Variants in RALGAPA2 observed in about 807,000 individuals in gnomAD.
RALGAPA2 encodes the protein ral GTPase-activating protein subunit alpha-2.
RALGAPA2 carries 139 observed loss-of-function variants against 230.4 expected under a neutral mutation model. The ratio of observed to expected loss-of-function variants is 0.60; its 90% CI spans 0.53 to 0.69. The LOEUF (loss-of-function observed/expected upper bound fraction) is 0.69. Among genes scored for constraint, RALGAPA2 ranks in the 30% least tolerant of loss-of-function variants. RALGAPA2 has a pLI of 0.00. For missense variants in RALGAPA2, 2,163 were observed against 2,276.0 expected (o/e 0.95, Z 1.01); for synonymous variants, 847 against 837.8 (o/e 1.01, Z -0.19).
intron 35 of RALGAPA2, among the ~76,000 whole-genome samples, chr20:20,496,693 T>C (rs1350138926): frequency 1.3e-5 from 2 of 152,240 alleles, no homozygotes; most frequent in African/African-American, 4.8e-5. Flanking sequence ...ATACTATGTA[T>C]TTAAAACGTG....
intron 37 of RALGAPA2, among the ~76,000 whole-genome samples, chr20:20,418,600 A>T (rs552431533): frequency 3.3e-5 from 5 of 152,376 alleles, no homozygotes; most frequent in African/African-American, 1.2e-4. Flanking sequence ...AAATGCAGTC[A>T]CACAATGGGA....
chr20:20,465,149 TCACA>T lies in RALGAPA2; in HGVS notation c.5495+7676_5495+7679del, dbSNP rs74180992. On this transcript the variant is annotated intron_variant, in intron 37 of 39. Coordinates refer to ENST00000202677, the MANE Select transcript of RALGAPA2 (RefSeq NM_020343.4). Reference sequence around the variant, plus strand: ...GCTTCTTCCCTCCCCCCGCAGGCCTTCACACACACACACACACACACACACACAC... The same window carrying T: ...GCTTCTTCCCTCCCCCCGCAGGCCTTCACACACACACACACACACACACAC... Among the ~76,000 whole-genome samples, 390 of 109,224 alleles carry T rather than the reference TCACA, an allele frequency of 3.6e-3. 2 individuals carry two copies. The highest frequency in any genetic ancestry group is 0.011 in the Middle Eastern group (2 of 188). 71.7% of individuals were successfully genotyped at this position (109,224 alleles called of 152,430 possible).
Position 20,591,232 on chromosome 20 carries a change from A to C in RALGAPA2, c.2286T>G (p.Leu762=), listed in dbSNP as rs777537465. ...HLTVGQQQQV[L]RSSSTSDIPE... ...GGATGTCGGAGGTGCTGCTGCTCCG[A>C]AGGACCTGCTGCTGCTGTCCCACTG... The change falls in exon 17 of 40, where the codon CTT becomes CTG. Residue 762 remains leucine, a synonymous_variant. Coordinates refer to ENST00000202677, the MANE Select transcript of RALGAPA2 (RefSeq NM_020343.4). 3 of 1,613,940 alleles carry C rather than the reference A, an allele frequency of 1.9e-6. No individual in the cohort carries two copies. The South Asian group carries it at 3.3e-5, about 18-fold the overall frequency.
chr20:20,620,722 T>C (rs2066293365), intron 10 of RALGAPA2, 92 bp from the exon 11 acceptor site: 15 of 1,127,170 alleles, frequency 1.3e-5, no homozygotes, highest in Admixed American at 2.8e-5. Flanking sequence ...GCATCACCCA[T>C]TTCACTTTCC....
chr20:20,642,739 A>T (rs1438839092), intron 5 of RALGAPA2, among the ~76,000 whole-genome samples: 1 of 152,114 alleles, frequency 6.6e-6, no homozygotes, highest in Non-Finnish European at 1.5e-5. Context: ...GCTAGGAATA[A>T]CTCACTTCGT....
intron 37 of RALGAPA2, among the ~76,000 whole-genome samples, chr20:20,457,064 T>A (rs1015647590): frequency 9.9e-5 from 15 of 152,198 alleles, no homozygotes; most frequent in African/African-American, 3.6e-4. Flanking sequence ...TCTTTTTATC[T>A]CCAATGATGA....
intron 10 of RALGAPA2, among the ~76,000 whole-genome samples, chr20:20,628,040 C>T (rs375423657): frequency 1.3e-5 from 2 of 152,040 alleles, no homozygotes; most frequent in Admixed American, 1.3e-4. Flanking sequence ...AAGGCAGTGC[C>T]GGGCCACAGA....
At chr20:20,402,431 G>A (rs764088833) in intron 38 of RALGAPA2, among the ~76,000 whole-genome samples, 14 of 152,222 alleles carry the variant, frequency 9.2e-5, no homozygotes, top group Non-Finnish European at 1.3e-4. Flanking sequence ...CCATCTGCGC[G>A]ATTCTTCACG....
chr20:20,601,615 CTT>C, intron 16 of RALGAPA2, 65 bp downstream of exon 16: 1 of 1,516,070 alleles, frequency 6.6e-7, no homozygotes. Flanking sequence ...TTTTAACACA[CTT>C]TATGCCTATA....
At chr20:20,664,496 A>T (rs974445905) in intron 3 of RALGAPA2, among the ~76,000 whole-genome samples, 1 of 152,186 alleles carries the variant, frequency 6.6e-6, no homozygotes, top group Non-Finnish European at 1.5e-5. Context: ...CCCCGAATAA[A>T]GCATTCACTA....
intron 36 of RALGAPA2, among the ~76,000 whole-genome samples, chr20:20,481,666 C>A (rs571358561): frequency 2.0e-5 from 3 of 152,156 alleles, no homozygotes; most frequent in African/African-American, 7.2e-5. Flanking sequence ...AATGTGAACA[C>A]AGGATGTGTA....
At chr20:20,535,494 T>C (rs1042351487) in intron 26 of RALGAPA2, among the ~76,000 whole-genome samples, 1 of 152,240 alleles carries the variant, frequency 6.6e-6, no homozygotes, top group Non-Finnish European at 1.5e-5. Flanking sequence ...CATGATTATA[T>C]TTGTAATCTT....
chr20:20,697,118 C>T (rs1022916736), intron 1 of RALGAPA2, among the ~76,000 whole-genome samples: 1 of 152,148 alleles, frequency 6.6e-6, no homozygotes, highest in African/African-American at 2.4e-5. Flanking sequence ...GACACTCAGT[C>T]ACTATATGTG....
At chr20:20,701,493 C>T (rs1157007026) in intron 1 of RALGAPA2, among the ~76,000 whole-genome samples, 2 of 152,140 alleles carry the variant, frequency 1.3e-5, no homozygotes, top group African/African-American at 4.8e-5. Flanking sequence ...AATCCCAGCA[C>T]TTTGGGAGGC....
At position 20,621,504 on chromosome 20, in the gene RALGAPA2, CCCTT is replaced by C. The variant is rs939704560; in HGVS notation, c.1234-878_1234-875del. Among the ~76,000 whole-genome samples, 17 of 147,976 alleles carry C rather than the reference CCCTT, an allele frequency of 1.1e-4. No homozygotes were observed. In the East Asian group the frequency reaches 2.4e-3, roughly 21 times the overall value. ...TCTTTGCTTTTGTCCTTCTTCCTTT[CCCTT>C]CCTTCCTTCCTTTTTTGTTATTATT... On this transcript the variant is annotated intron_variant, in intron 10 of 39. Coordinates refer to ENST00000202677, the MANE Select transcript of RALGAPA2 (RefSeq NM_020343.4).
Position 20,602,978 on chromosome 20 carries a change from G to A in RALGAPA2, c.2039-1132C>T, listed in dbSNP as rs542393492. ...GTAAGTTCTCTTCTGGGCTGAGAAC[G>A]ACTGTCTTAGGGAGGCAAGTTCCTA... On this transcript the variant is annotated intron_variant, in intron 15 of 39. Transcript: ENST00000202677. Among the ~76,000 whole-genome samples, 6 of 152,238 alleles carry A rather than the reference G, an allele frequency of 3.9e-5. No homozygotes were observed. In the East Asian group the frequency reaches 7.7e-4, roughly 20 times the overall value.
intron 24 of RALGAPA2, among the ~76,000 whole-genome samples, chr20:20,539,217 G>C (rs563082674): frequency 6.6e-6 from 1 of 152,038 alleles, no homozygotes; most frequent in South Asian, 2.1e-4. Context: ...CTGCCTCAGT[G>C]GGGCAGTCCT....
At chr20:20,639,946 T>G in intron 6 of RALGAPA2, 46 bp from the exon 7 acceptor site, 1 of 1,416,592 alleles carries the variant, frequency 7.1e-7, no homozygotes, top group Non-Finnish European at 1.0e-6. Flanking sequence ...AAAGTTAAAT[T>G]TTAAACAGAA....
At chr20:20,689,973 A>G (rs1159823452) in intron 1 of RALGAPA2, among the ~76,000 whole-genome samples, 2 of 151,650 alleles carry the variant, frequency 1.3e-5, no homozygotes, top group African/African-American at 2.4e-5. Flanking sequence ...CCCTTCCCCA[A>G]ACCTTCCCTG....
Sources: allele counts gnomAD v4.1 joint callset (sites outside exome capture counted in the v4.1 genomes callset), GRCh38; gene constraint gnomAD v4.1.1; transcripts MANE v1.5; gene names NCBI Gene and HGNC (gene_info 2026-07-23, HGNC 2026-07-21).